The following ZC3H12D variants were observed in gnomAD, a reference collection of about 807,000 sequenced individuals.
ZC3H12D encodes the protein zinc finger CCCH-type containing 12D.
ZC3H12D carries 11 observed loss-of-function variants against 24.2 expected under a neutral mutation model. That is an observed-to-expected ratio of 0.46 (90% CI 0.29 to 0.75). ZC3H12D has a LOEUF of 0.75. Ranked by LOEUF, ZC3H12D falls within the 30% of genes least tolerant of loss-of-function variation. The pLI, the probability that ZC3H12D is intolerant of heterozygous loss-of-function variation, is 0.11. For missense variants in ZC3H12D, 740 were observed against 767.7 expected (o/e 0.96, Z 0.43); for synonymous variants, 333 against 341.8 (o/e 0.97, Z 0.28).
intron 2 of ZC3H12D, among the ~76,000 whole-genome samples, chr6:149,472,605 C>T (rs2115011075): frequency 6.6e-6 from 1 of 152,216 alleles, no homozygotes; most frequent in South Asian, 2.1e-4. Context: ...CATGTGCAAA[C>T]AGAGGATGTG....
rs768463533 is a variant in ZC3H12D, at chr6:149,451,404, G to C, written c.863C>G (p.Ala288Gly). The change falls in exon 6 of 6, where the codon GCC becomes GGC. Residue 288 changes from alanine to glycine, a missense_variant. Ala to Gly is a moderately conservative substitution (Grantham distance 60). Transcript: ENST00000409806. ...ERPHHAQLAV[A>G]DELRAKTGAR... ...CCCTGTCTTGGCGCGGAGCTCGTCG[G>C]CCACCGCCAGTTGCGCGTGGTGCGG... 3 of 1,567,374 alleles carry C rather than the reference G, an allele frequency of 1.9e-6. No homozygotes were observed. In the Admixed American group the frequency reaches 5.2e-5, roughly 27 times the overall value.
chr6:149,461,584 C>T (rs181360366), intron 3 of ZC3H12D: 8 of 296,174 alleles, frequency 2.7e-5, no homozygotes, highest in African/African-American at 1.7e-4. Context: ...CATTCATCTA[C>T]TCAACAACTG....
chr6:149,472,148 C>T (rs539536082), intron 2 of ZC3H12D, among the ~76,000 whole-genome samples: 1 of 152,170 alleles, frequency 6.6e-6, no homozygotes, highest in Admixed American at 6.5e-5. Context: ...TGTTAAAAGT[C>T]CCATTGGAGG....
rs1034891962 is a variant in ZC3H12D, at chr6:149,450,477, G to A, written c.*206C>T. 5 of 546,948 alleles carry A rather than the reference G, an allele frequency of 9.1e-6. No individual in the cohort carries two copies. The highest frequency in any genetic ancestry group is 7.0e-5 in the Admixed American group (2 of 28,688). The allele number at this position is 546,948 out of a possible 1,614,324, so 33.9% of individuals were successfully genotyped here. A position where few individuals can be genotyped will look rare whatever the true frequency, so the allele number is the denominator to read the frequency against. On this transcript the variant is annotated 3_prime_UTR_variant, in exon 6 of 6. Coordinates refer to ENST00000409806, the MANE Select transcript of ZC3H12D (RefSeq NM_207360.3). ...ACGGAAGTGGGTGGACCTCCCCGCAGCAGGCCCCGGCCTCAGTGAGGATCA... is the reference window on the plus strand; with the variant it reads ...ACGGAAGTGGGTGGACCTCCCCGCAACAGGCCCCGGCCTCAGTGAGGATCA...
At chr6:149,473,882 A>G (rs1032376440) in intron 2 of ZC3H12D, among the ~76,000 whole-genome samples, 1 of 152,084 alleles carries the variant, frequency 6.6e-6, no homozygotes, top group Non-Finnish European at 1.5e-5. Flanking sequence ...CACTTGACCC[A>G]GGGCGCCTCC....
At chr6:149,480,226 G>A (rs1583194157) in intron 1 of ZC3H12D, among the ~76,000 whole-genome samples, 3 of 152,216 alleles carry the variant, frequency 2.0e-5, no homozygotes, top group Non-Finnish European at 4.4e-5. Context: ...TTAACAATGA[G>A]CTGTAAACCA....
At chr6:149,471,888 C>T (rs189913635) in intron 2 of ZC3H12D, among the ~76,000 whole-genome samples, 2 of 152,342 alleles carry the variant, frequency 1.3e-5, no homozygotes, top group African/African-American at 4.8e-5. Flanking sequence ...TCCCCACCAC[C>T]GCAAGGCCAG....
rs1051798376 is a variant in ZC3H12D at position 149,450,067 on chromosome 6, G to GC, written c.*615dup. The GC allele has an allele frequency of 1.3e-5, 2 of 152,212 alleles. No homozygotes were observed. Among genetic ancestry groups the GC allele is most frequent in the African/African-American group, 2.4e-5 (1 of 41,386 alleles). The allele number at this position is 152,212 out of a possible 1,614,324, so 9.4% of individuals were successfully genotyped here. Reference sequence around the variant, plus strand: ...GCCACACAATTCAGAGCACAGGAGAGCCCACACCTGGAGGCTGGGCTGCCC... The same window carrying GC: ...GCCACACAATTCAGAGCACAGGAGAGCCCCACACCTGGAGGCTGGGCTGCCC... On this transcript the variant is annotated 3_prime_UTR_variant, in exon 6 of 6. Transcript: ENST00000409806.
Position 149,451,390 on chromosome 6 carries a change from C to G in ZC3H12D, c.877G>C (p.Ala293Pro). 6.4e-7 allele frequency: 1 copy of G among 1,561,086 alleles called. No homozygotes were observed. The highest frequency in any genetic ancestry group is 1.8e-5 in the Admixed American group (1 of 56,866). ...GCGCCAGGCCGGGCCCCTGTCTTGG[C>G]GCGGAGCTCGTCGGCCACCGCCAGT... ...AQLAVADELR[A>P]KTGARPGAGA... is the part of the protein sequence containing the mutation. Residue 293 changes from alanine to proline, a missense_variant, in exon 6 of 6, where the codon GCC becomes CCC. By Grantham distance (27) the Ala-to-Pro change is conservative. Transcript: ENST00000409806.
intron 1 of ZC3H12D, among the ~76,000 whole-genome samples, chr6:149,481,900 C>T (rs970118269): frequency 5.3e-5 from 8 of 152,238 alleles, no homozygotes; most frequent in Admixed American, 4.6e-4. Flanking sequence ...GACTTCTCTT[C>T]GGTTACCAAG....
chr6:149,468,791 C>G (rs1374437523), intron 2 of ZC3H12D, among the ~76,000 whole-genome samples: 1 of 152,106 alleles, frequency 6.6e-6, no homozygotes, highest in Non-Finnish European at 1.5e-5. Flanking sequence ...TGACCCCCAG[C>G]CCGGTCATAA....
rs555520779 is a variant in ZC3H12D at position 149,473,556 on chromosome 6, G to A, written c.305+683C>T. Among the ~76,000 whole-genome samples, 237 of 152,240 alleles carry A rather than the reference G, an allele frequency of 1.6e-3. 1 individual carries two copies. Among genetic ancestry groups the A allele is most frequent in the African/African-American group, 5.3e-3 (222 of 41,538 alleles). On this transcript the variant is annotated intron_variant, in intron 2 of 5. Transcript: ENST00000409806. ...AGCCAAGACAGGCAGATAACAACTCGGGCGTGAGGCTGGCATTCCCAAAAC... is the reference window on the plus strand; with the variant it reads ...AGCCAAGACAGGCAGATAACAACTCAGGCGTGAGGCTGGCATTCCCAAAAC...
chr6:149,456,622 C>CCCCCCCCCCCCCCCCCCGGGGGCAG lies in ZC3H12D; in HGVS notation c.680+43_680+44insCTGCCCCCGGGGGGGGGGGGGGGGG. ...GGCCACTGCCTCGACCCCGGCCCCC[C>CCCCCCCCCCCCCCCCCCGGGGGCAG]GCCCCGCCGCCCCCCAGGGTGTCAG... On this transcript the variant is annotated intron_variant, in intron 4 of 5. Transcript: ENST00000409806. This position sits in a 1 kb window ranked among gnomAD's most constrained non-coding sequence, Gnocchi z 4.3. 2.3e-6 allele frequency: 3 copies of CCCCCCCCCCCCCCCCCCGGGGGCAG among 1,314,354 alleles called. No homozygotes were observed. Among genetic ancestry groups the CCCCCCCCCCCCCCCCCCGGGGGCAG allele is most frequent in the Non-Finnish European group, 3.3e-6 (3 of 921,304 alleles). The allele number at this position is 1,314,354 out of a possible 1,614,324, so 81.4% of individuals were successfully genotyped here. A position where few individuals can be genotyped will look rare whatever the true frequency, so the allele number is the denominator to read the frequency against.
At chr6:149,465,353 CAAA>C (rs10617394) in intron 2 of ZC3H12D, among the ~76,000 whole-genome samples, 115 of 126,030 alleles carry the variant, frequency 9.1e-4, no homozygotes, top group African/African-American at 1.0e-3. Context: ...GACTCTGTCT[CAAA>C]AAAAAAAAAA....
At position 149,449,963 on chromosome 6, in the gene ZC3H12D, G is replaced by GTGTGTGTGT. The variant is rs1775860276; in HGVS notation, c.*719_*720insACACACACA. 1 of 151,576 alleles carries GTGTGTGTGT rather than the reference G, an allele frequency of 6.6e-6. No individual in the cohort carries two copies. The highest frequency in any genetic ancestry group is 1.5e-5 in the Non-Finnish European group (1 of 68,658). The allele number at this position is 151,576 out of a possible 1,614,324, so 9.4% of individuals were successfully genotyped here. A position where few individuals can be genotyped will look rare whatever the true frequency, so the allele number is the denominator to read the frequency against. On this transcript the variant is annotated 3_prime_UTR_variant, in exon 6 of 6. Transcript: ENST00000409806. ...TGTGTGTGTGTGTGTGTGTTTGTGT[G>GTGTGTGTGT]GTGGGGGTATGTGTGTGAAGGCCCC...
At chr6:149,473,997 T>C (rs1776288848) in intron 2 of ZC3H12D, among the ~76,000 whole-genome samples, 2 of 152,156 alleles carry the variant, frequency 1.3e-5, no homozygotes, top group South Asian at 2.1e-4. Flanking sequence ...TCCTAGGCAT[T>C]TTGTGCACAA....
intron 3 of ZC3H12D, among the ~76,000 whole-genome samples, chr6:149,458,020 C>A (rs929187122): frequency 1.3e-5 from 2 of 151,448 alleles, no homozygotes; most frequent in Non-Finnish European, 2.9e-5. Context: ...GCCCTTAGGA[C>A]AACCCTAGTT....
chr6:149,446,891 C>G lies in ZC3H12D; in HGVS notation c.*3792G>C, dbSNP rs1775784336. The G allele has an allele frequency of 1.3e-5, 2 of 152,250 alleles. No homozygotes were observed. The highest frequency in any genetic ancestry group is 4.8e-5 in the African/African-American group (2 of 41,426). 9.4% of individuals were successfully genotyped at this position (152,250 alleles called of 1,614,324 possible). A position where few individuals can be genotyped will look rare whatever the true frequency, so the allele number is the denominator to read the frequency against. On this transcript the variant is annotated 3_prime_UTR_variant, in exon 6 of 6. Transcript: ENST00000409806. ...AACCCCTGACATTCTACAGTTCTACCCCAAACCCCCTTCCAGAGGCCTCTG... is the reference window on the plus strand; with the variant it reads ...AACCCCTGACATTCTACAGTTCTACGCCAAACCCCCTTCCAGAGGCCTCTG...
At chr6:149,451,671 A>G (rs1775899490) in intron 5 of ZC3H12D, among the ~76,000 whole-genome samples, 192 bp from the exon 6 acceptor site, 1 of 151,898 alleles carries the variant, frequency 6.6e-6, no homozygotes, top group Non-Finnish European at 1.5e-5. Context: ...CGCGGGGCCG[A>G]GGTGGGGAGA....
Sources: allele counts gnomAD v4.1 joint callset (sites outside exome capture counted in the v4.1 genomes callset), GRCh38; gene constraint gnomAD v4.1.1; non-coding constraint Gnocchi (gnomAD v3.1); transcripts MANE v1.5; gene names NCBI Gene and HGNC (gene_info 2026-07-23, HGNC 2026-07-21).